The following CLASP1 variants were observed in gnomAD, a reference collection of about 807,000 sequenced individuals.
The protein encoded by CLASP1 is cytoplasmic linker associated protein 1, also known as CLIP-associating protein 1.
In CLASP1, 38 loss-of-function variants were observed where a neutral mutation model predicts 192.3. The ratio of observed to expected loss-of-function variants is 0.20; its 90% CI spans 0.15 to 0.26. CLASP1 has a LOEUF of 0.26. Ranked by LOEUF, CLASP1 falls within the 10% of genes least tolerant of loss-of-function variation. The probability of loss-of-function intolerance (pLI) is 1.00; values close to 1 mark genes in which losing one functional copy is unlikely to be tolerated. For synonymous variants in CLASP1, 691 were observed against 712.8 expected (o/e 0.97, Z 0.49); for missense variants, 1,433 against 1,932.5 (o/e 0.74, Z 4.85).
intron 34 of CLASP1, among the ~76,000 whole-genome samples, chr2:121,370,378 G>A (rs934996608): frequency 3.3e-5 from 5 of 152,134 alleles, no homozygotes; most frequent in African/African-American, 1.2e-4. Flanking sequence ...AGGCTGGAGT[G>A]TAAATGGTGC....
intron 6 of CLASP1, among the ~76,000 whole-genome samples, chr2:121,518,231 C>CAA (rs35409200): frequency 0.014 from 666 of 47,862 alleles, 3 homozygotes; most frequent in Middle Eastern, 0.033. Flanking sequence ...ACCCCCGTCT[C>CAA]AAAAAAAAAA....
intron 8 of CLASP1, among the ~76,000 whole-genome samples, chr2:121,498,783 A>T (rs1395233494): frequency 6.6e-6 from 1 of 152,246 alleles, no homozygotes; most frequent in Non-Finnish European, 1.5e-5. Flanking sequence ...TCTCCAAGCA[A>T]GGTATTTAAA....
At chr2:121,619,214 A>T (rs1242540183) in intron 1 of CLASP1, among the ~76,000 whole-genome samples, 1 of 152,252 alleles carries the variant, frequency 6.6e-6, no homozygotes, top group Non-Finnish European at 1.5e-5. Flanking sequence ...CCTGAACAAC[A>T]AAACAAAATC....
intron 1 of CLASP1, among the ~76,000 whole-genome samples, chr2:121,615,752 C>A (rs2066345522): frequency 6.6e-6 from 1 of 151,890 alleles, no homozygotes; most frequent in Non-Finnish European, 1.5e-5. Flanking sequence ...CCACTGCACT[C>A]CAGCCTGGGT....
At chr2:121,571,395 T>C in intron 2 of CLASP1, among the ~76,000 whole-genome samples, 1 of 152,174 alleles carries the variant, frequency 6.6e-6, no homozygotes, top group East Asian at 1.9e-4. Flanking sequence ...GCTTTCACCA[T>C]GTTGCCCAAG....
At chr2:121,387,364 T>G (rs1039290895) in intron 31 of CLASP1, 136 bp from the exon 33 acceptor site, 1 of 616,464 alleles carries the variant, frequency 1.6e-6, no homozygotes, top group African/African-American at 1.9e-5. Context: ...TCCCTTAGAA[T>G]CATAAGGCCA....
chr2:121,389,666 G>A (rs968624140), intron 30 of CLASP1, among the ~76,000 whole-genome samples: 6 of 152,062 alleles, frequency 3.9e-5, no homozygotes, highest in Non-Finnish European at 5.9e-5. Flanking sequence ...TGAATAGTAC[G>A]CTTTTTATGT....
At chr2:121,549,065 C>T (rs2057753437) in intron 2 of CLASP1, among the ~76,000 whole-genome samples, 1 of 152,192 alleles carries the variant, frequency 6.6e-6, no homozygotes, top group African/African-American at 2.4e-5. Flanking sequence ...AACACAATGA[C>T]AGGATTAAAT....
chr2:121,500,396 G>A (rs374092656), intron 8 of CLASP1, among the ~76,000 whole-genome samples: 5 of 87,366 alleles, frequency 5.7e-5, no homozygotes, highest in African/African-American at 8.2e-5. Context: ...AAGAAAGAAA[G>A]AAAAGAAAGA....
chr2:121,631,760 A>C (rs1199056128), intron 1 of CLASP1, among the ~76,000 whole-genome samples: 1 of 151,396 alleles, frequency 6.6e-6, no homozygotes, highest in Non-Finnish European at 1.5e-5. Context: ...AAAATACAAA[A>C]ATCGGGCCAG....
intron 20 of CLASP1, among the ~76,000 whole-genome samples, chr2:121,427,663 T>C (rs114527426): frequency 6.6e-6 from 1 of 152,232 alleles, no homozygotes; most frequent in Admixed American, 6.5e-5. Context: ...AAACCTACAA[T>C]GTGCCAGGCT....
At chr2:121,444,298 T>C (rs13022031) in intron 19 of CLASP1, among the ~76,000 whole-genome samples, 33,875 of 152,052 alleles carry the variant, frequency 0.22, 4,029 homozygotes, top group Middle Eastern at 0.37. Flanking sequence ...GTACAGAACA[T>C]GGCACATGGA....
intron 14 of CLASP1, among the ~76,000 whole-genome samples, chr2:121,456,578 G>C (rs1171279945): frequency 1.3e-5 from 2 of 151,512 alleles, no homozygotes; most frequent in Non-Finnish European, 2.9e-5. Flanking sequence ...GAAGGAAACA[G>C]AAGGGAAAGG....
At chr2:121,498,197 G>GTTTATTTTT (rs2093609608) in intron 8 of CLASP1, among the ~76,000 whole-genome samples, 2 of 114,586 alleles carry the variant, frequency 1.7e-5, no homozygotes. Context: ...ATAGGTAATA[G>GTTTATTTTT]TTTCTTTTTT....
At chr2:121,371,222 T>C (rs2068622952) in intron 34 of CLASP1, among the ~76,000 whole-genome samples, 1 of 151,150 alleles carries the variant, frequency 6.6e-6, no homozygotes, top group African/African-American at 2.4e-5. Context: ...TGTGTGTGTA[T>C]ATATACATAT....
At chr2:121,427,523 G>A in intron 20 of CLASP1, 93 bp from the exon 21 acceptor site, 5 of 1,325,400 alleles carry the variant, frequency 3.8e-6, no homozygotes, top group South Asian at 2.5e-5. Context: ...CAACACAAAG[G>A]TCTTTGTTCA....
intron 8 of CLASP1, among the ~76,000 whole-genome samples, chr2:121,489,435 G>A (rs1184294648): frequency 2.0e-5 from 3 of 152,160 alleles, no homozygotes; most frequent in Non-Finnish European, 2.9e-5. Flanking sequence ...CCCCACAGCA[G>A]GAGACAAATA....
chr2:121,447,274 G>A lies in CLASP1; in HGVS notation c.1912+63C>T, dbSNP rs568028794. On this transcript the variant is annotated intron_variant, in intron 19 of 39. Coordinates refer to ENST00000263710, the Ensembl canonical transcript of CLASP1. ...CAATCATGGGTTTGTATTTTGCTAA[G>A]AGGTTAAGAGTCATCTCTTGCAGAG... 37 of 1,406,444 alleles carry A rather than the reference G, an allele frequency of 2.6e-5. No individual in the cohort carries two copies. The South Asian group carries it at 4.2e-4, about 16-fold the overall frequency. 87.1% of individuals were successfully genotyped at this position (1,406,444 alleles called of 1,614,324 possible).
intron 25 of CLASP1, among the ~76,000 whole-genome samples, chr2:121,404,766 G>A (rs984160401): frequency 2.6e-5 from 4 of 152,154 alleles, no homozygotes; most frequent in African/African-American, 7.2e-5. Flanking sequence ...TTTAAGATGA[G>A]GAAACTAAGA....
Sources: allele counts gnomAD v4.1 joint callset (sites outside exome capture counted in the v4.1 genomes callset), GRCh38; gene constraint gnomAD v4.1.1; transcripts MANE v1.5; gene names NCBI Gene and HGNC (gene_info 2026-07-23, HGNC 2026-07-21).